Variants in FMN1 observed in about 807,000 individuals in gnomAD.
The protein encoded by FMN1 is formin-1.
A neutral mutation model predicts 132.4 loss-of-function variants in FMN1; 110 were observed. That is an observed-to-expected ratio of 0.83 (90% CI 0.71 to 0.97). FMN1 has a LOEUF of 0.97. Among genes scored for constraint, FMN1 ranks in the 50% least tolerant of loss-of-function variants. FMN1 has a pLI of 0.00. For synonymous variants in FMN1, 722 were observed against 651.7 expected, an observed-to-expected ratio of 1.11 and a Z score of -1.64; for missense variants, 1,792 against 1,705.3, an observed-to-expected ratio of 1.05 and a Z score of -0.90.
chr15:33,024,046 TATAA>T (rs923407185), intron 6 of FMN1, among the ~76,000 whole-genome samples: 4 of 151,816 alleles, frequency 2.6e-5, no homozygotes, highest in Admixed American at 1.3e-4. Flanking sequence ...AAAGAAATCC[TATAA>T]ATAAATAAAA....
chr15:32,962,262 T>C (rs2030653799), intron 9 of FMN1, among the ~76,000 whole-genome samples: 2 of 152,024 alleles, frequency 1.3e-5, no homozygotes, highest in African/African-American at 4.8e-5. Context: ...AAGAACAAAA[T>C]TGGAAAGTCG....
At chr15:33,123,070 A>G (rs1020606384) in intron 4 of FMN1, among the ~76,000 whole-genome samples, 1 of 151,338 alleles carries the variant, frequency 6.6e-6, no homozygotes, top group East Asian at 1.9e-4. Context: ...CCACATCCTT[A>G]TAACTAAAGC....
chr15:33,069,926 G>C (rs938895996), intron 5 of FMN1, among the ~76,000 whole-genome samples: 2 of 141,896 alleles, frequency 1.4e-5, no homozygotes, highest in African/African-American at 5.1e-5. Context: ...ATTAAAATCA[G>C]ACATCTGCTT....
chr15:33,018,479 G>A (rs1181927917), intron 6 of FMN1, among the ~76,000 whole-genome samples: 1 of 152,124 alleles, frequency 6.6e-6, no homozygotes, highest in African/African-American at 2.4e-5. Flanking sequence ...ACATAATAGA[G>A]CTTCCGTGAG....
chr15:32,824,843 T>C (rs748236095), intron 17 of FMN1, among the ~76,000 whole-genome samples: 6 of 152,210 alleles, frequency 3.9e-5, no homozygotes, highest in Non-Finnish European at 5.9e-5. Flanking sequence ...CCAAACTACA[T>C]TCTCAACATC....
chr15:32,829,139 G>A (rs2058441435), intron 17 of FMN1, among the ~76,000 whole-genome samples: 1 of 152,176 alleles, frequency 6.6e-6, no homozygotes, highest in Admixed American at 6.5e-5. Flanking sequence ...CAGCCCAAAT[G>A]AAGCAAAATT....
At chr15:33,142,145 ACT>A (rs1964037053) in intron 4 of FMN1, among the ~76,000 whole-genome samples, 1 of 152,054 alleles carries the variant, frequency 6.6e-6, no homozygotes, top group South Asian at 2.1e-4. Flanking sequence ...GATTCATCAG[ACT>A]CTATAAAGTA....
At chr15:33,061,659 A>T (rs1163950992) in intron 6 of FMN1, among the ~76,000 whole-genome samples, 1 of 152,112 alleles carries the variant, frequency 6.6e-6, no homozygotes, top group Non-Finnish European at 1.5e-5. Flanking sequence ...ATGCAAAAGA[A>T]ATGGAACCGC....
chr15:32,790,798 C>A (rs1364294533), intron 19 of FMN1, among the ~76,000 whole-genome samples: 4 of 152,196 alleles, frequency 2.6e-5, no homozygotes, highest in Non-Finnish European at 5.9e-5. Context: ...CAGCTGTGCG[C>A]TGGAGAATGC....
chr15:33,094,119 C>T (rs906864218), intron 4 of FMN1, among the ~76,000 whole-genome samples: 1 of 152,158 alleles, frequency 6.6e-6, no homozygotes, highest in Non-Finnish European at 1.5e-5. Context: ...AAGTTAAGAG[C>T]GTGGGTACAG....
At chr15:32,950,619 G>T (rs947446345) in intron 9 of FMN1, among the ~76,000 whole-genome samples, 3 of 152,052 alleles carry the variant, frequency 2.0e-5, no homozygotes, top group South Asian at 2.1e-4. Context: ...TTTTTCACTT[G>T]TAAGTGGGAG....
chr15:33,039,234 G>A (rs184979489), intron 6 of FMN1, among the ~76,000 whole-genome samples: 93 of 152,278 alleles, frequency 6.1e-4, no homozygotes, highest in African/African-American at 2.1e-3. Context: ...TGGAACTGAG[G>A]GAAGGGTGGG....
intron 4 of FMN1, among the ~76,000 whole-genome samples, chr15:33,135,565 A>G (rs1243112799): frequency 6.6e-6 from 1 of 152,204 alleles, no homozygotes; most frequent in African/African-American, 2.4e-5. Context: ...TCCTTCTGAA[A>G]TATGAGAAAA....
chr15:33,091,982 A>G (rs1039482200), intron 4 of FMN1, among the ~76,000 whole-genome samples: 1 of 152,206 alleles, frequency 6.6e-6, no homozygotes, highest in African/African-American at 2.4e-5. Flanking sequence ...TGCATACTAC[A>G]AACCTGTTTT....
chr15:32,934,307 AT>A (rs751626221), intron 9 of FMN1, among the ~76,000 whole-genome samples: 18 of 152,110 alleles, frequency 1.2e-4, no homozygotes, highest in Non-Finnish European at 2.4e-4. Flanking sequence ...CCATTAACGT[AT>A]TTTTATAATT....
chr15:33,092,455 C>G (rs2141373504), intron 4 of FMN1, among the ~76,000 whole-genome samples: 1 of 152,292 alleles, frequency 6.6e-6, no homozygotes, highest in African/African-American at 2.4e-5. Flanking sequence ...CTTTGGCCAT[C>G]TGAATGTAAA....
At chr15:32,895,125 A>C (rs2060123014) in intron 15 of FMN1, among the ~76,000 whole-genome samples, 1 of 152,104 alleles carries the variant, frequency 6.6e-6, no homozygotes, top group Non-Finnish European at 1.5e-5. Context: ...TTGTTTTCTT[A>C]GGGTAGAAAT....
In FMN1 at chr15:33,090,344, C is replaced by T. The variant is rs774633918; in HGVS notation, c.1868-1370G>A. 2.0e-5 allele frequency among the ~76,000 whole-genome samples: 3 copies of T among 152,096 alleles called. No individual in the cohort carries two copies. In the South Asian group the frequency reaches 6.2e-4, roughly 32 times the overall value. On this transcript the variant is annotated intron_variant, in intron 4 of 20. Transcript: ENST00000616417. Reference sequence around the variant, plus strand: ...TAAAAGTCAGCTCAGAAAGGAACTGCGAGATAGCATGCTTATATTAGAGTA... The same window carrying T: ...TAAAAGTCAGCTCAGAAAGGAACTGTGAGATAGCATGCTTATATTAGAGTA...
rs999147939 is a variant in FMN1 at position 32,772,237 on chromosome 15, A to C, written c.*2073T>G. 6.6e-6 allele frequency: 1 copy of C among 152,174 alleles called. No homozygotes were observed. Among genetic ancestry groups the C allele is most frequent in the African/African-American group, 2.4e-5 (1 of 41,416 alleles). The allele number at this position is 152,174 out of a possible 1,614,324, so 9.4% of individuals were successfully genotyped here. A position where few individuals can be genotyped will look rare whatever the true frequency, so the allele number is the denominator to read the frequency against. On this transcript the variant is annotated 3_prime_UTR_variant, in exon 21 of 21. Transcript: ENST00000616417. ...CACAGTGGCAGCCCTGCTTACCTTCACTGATTTCTCGTAAGCATCCTACTT... is the reference window on the plus strand; with the variant it reads ...CACAGTGGCAGCCCTGCTTACCTTCCCTGATTTCTCGTAAGCATCCTACTT...
Sources: allele counts gnomAD v4.1 joint callset (sites outside exome capture counted in the v4.1 genomes callset), GRCh38; gene constraint gnomAD v4.1.1; transcripts MANE v1.5; gene names NCBI Gene and HGNC (gene_info 2026-07-23, HGNC 2026-07-21).